The following MACROD2 variants were observed in gnomAD, a reference collection of about 807,000 sequenced individuals.
MACROD2 encodes the protein mono-ADP ribosylhydrolase 2.
A neutral mutation model predicts 70.4 loss-of-function variants in MACROD2; 36 were observed. That is an observed-to-expected ratio of 0.51 (90% confidence interval 0.39 to 0.68). MACROD2 has a LOEUF of 0.68. MACROD2 is among the 30% of genes least tolerant of loss of function. The pLI, the probability that MACROD2 is intolerant of heterozygous loss-of-function variation, is 0.00. For synonymous variants in MACROD2, 172 were observed against 178.8 expected (o/e 0.96, Z 0.30); for missense variants, 496 against 538.4 (o/e 0.92, Z 0.78).
intron 4 of MACROD2, among the ~76,000 whole-genome samples, chr20:14,519,616 GT>G (rs2085141853): frequency 6.6e-6 from 1 of 152,154 alleles, no homozygotes; most frequent in African/African-American, 2.4e-5. Flanking sequence ...TACTGCTTGT[GT>G]TTTTGTAAAT....
chr20:15,249,448 T>A (rs2077134983), intron 6 of MACROD2, among the ~76,000 whole-genome samples: 1 of 152,146 alleles, frequency 6.6e-6, no homozygotes, highest in African/African-American at 2.4e-5. Flanking sequence ...CACACACAAC[T>A]GACCATAGCA....
chr20:14,066,134 AT>A (rs1188078567), intron 2 of MACROD2, among the ~76,000 whole-genome samples: 1 of 152,096 alleles, frequency 6.6e-6, no homozygotes, highest in African/African-American at 2.4e-5. Context: ...TCTTTTGAAA[AT>A]TTTGATTTTC....
intron 4 of MACROD2, among the ~76,000 whole-genome samples, chr20:14,658,073 T>A (rs982415289): frequency 1.3e-5 from 2 of 152,186 alleles, no homozygotes; most frequent in Non-Finnish European, 2.9e-5. Context: ...TAAAGTAAAT[T>A]ATCTATTTTG....
chr20:14,029,655 T>C (rs1260203760), intron 2 of MACROD2, among the ~76,000 whole-genome samples: 1 of 152,212 alleles, frequency 6.6e-6, no homozygotes, highest in African/African-American at 2.4e-5. Flanking sequence ...TTTGCTGTCA[T>C]TGAAAGTATT....
chr20:15,971,002 C>T (rs1007127073), intron 13 of MACROD2, among the ~76,000 whole-genome samples: 1 of 152,008 alleles, frequency 6.6e-6, no homozygotes, highest in Admixed American at 6.6e-5. Context: ...GAATGAAGCT[C>T]AAAAATATTT....
chr20:15,832,193 A>C (rs1297047224), intron 8 of MACROD2, among the ~76,000 whole-genome samples: 1 of 152,164 alleles, frequency 6.6e-6, no homozygotes, highest in Non-Finnish European at 1.5e-5. Flanking sequence ...GTCCTCAGTG[A>C]ATTTTTATGT....
At chr20:14,255,409 T>C (rs1326096227) in intron 3 of MACROD2, among the ~76,000 whole-genome samples, 1 of 151,854 alleles carries the variant, frequency 6.6e-6, no homozygotes, top group Non-Finnish European at 1.5e-5. Flanking sequence ...CTGGAAACCA[T>C]CATTCTCAGC....
At chr20:14,887,632 T>A (rs2073696309) in intron 5 of MACROD2, among the ~76,000 whole-genome samples, 1 of 151,980 alleles carries the variant, frequency 6.6e-6, no homozygotes, top group Non-Finnish European at 1.5e-5. Context: ...AAGCAATCCA[T>A]CCACCTCAGC....
chr20:15,748,566 AC>A (rs901795196), intron 8 of MACROD2, among the ~76,000 whole-genome samples: 3 of 152,078 alleles, frequency 2.0e-5, no homozygotes, highest in African/African-American at 7.2e-5. Flanking sequence ...TAAGACTCCC[AC>A]CTTGGGTAGG....
chr20:16,014,142 C>A (rs2066899838), intron 15 of MACROD2, among the ~76,000 whole-genome samples: 1 of 152,204 alleles, frequency 6.6e-6, no homozygotes, highest in Non-Finnish European at 1.5e-5. Context: ...TTTTTCCTAT[C>A]ACCTCTATTC....
At chr20:14,545,075 G>A (rs996268892) in intron 4 of MACROD2, among the ~76,000 whole-genome samples, 7 of 152,130 alleles carry the variant, frequency 4.6e-5, no homozygotes, top group African/African-American at 1.7e-4. Flanking sequence ...ATGAAGATGG[G>A]AACACTATAT....
At position 15,098,283 on chromosome 20, in the gene MACROD2, T is replaced by C. The variant is rs183102772; in HGVS notation, c.419-131657T>C. ...ATAGCAGGTCTCACAGATTATGCAG[T>C]GAGTCCTGAGGGAAGCCATGAAAGG... is the stretch of plus-strand genomic sequence containing the variant. On this transcript the variant is annotated intron_variant, in intron 5 of 17. Transcript: ENST00000684519. 2.0e-4 allele frequency among the ~76,000 whole-genome samples: 31 copies of C among 152,292 alleles called. No homozygotes were observed. In the East Asian group the frequency reaches 5.4e-3, roughly 27 times the overall value.
intron 5 of MACROD2, among the ~76,000 whole-genome samples, chr20:14,918,816 T>C (rs540368285): frequency 6.6e-6 from 1 of 152,298 alleles, no homozygotes; most frequent in South Asian, 2.1e-4. Flanking sequence ...TTAATTGAAC[T>C]CACAACATAT....
chr20:14,615,335 G>A (rs1377591648), intron 4 of MACROD2, among the ~76,000 whole-genome samples: 2 of 152,050 alleles, frequency 1.3e-5, no homozygotes, highest in Admixed American at 6.6e-5. Flanking sequence ...TCCTAAAGGA[G>A]GATTCGAGTG....
intron 15 of MACROD2, among the ~76,000 whole-genome samples, chr20:16,036,509 C>A (rs1455876208): frequency 6.6e-6 from 1 of 151,952 alleles, no homozygotes; most frequent in African/African-American, 2.4e-5. Flanking sequence ...TTTTCTATTT[C>A]TGCATCTTTT....
intron 8 of MACROD2, among the ~76,000 whole-genome samples, chr20:15,737,783 G>A (rs1242490081): frequency 2.6e-5 from 4 of 152,190 alleles, no homozygotes; most frequent in Non-Finnish European, 4.4e-5. Flanking sequence ...GTTAGGAAGA[G>A]AGCAAAGGGG....
At chr20:14,248,961 A>G (rs1341250563) in intron 3 of MACROD2, among the ~76,000 whole-genome samples, 2 of 152,136 alleles carry the variant, frequency 1.3e-5, no homozygotes, top group Non-Finnish European at 2.9e-5. Context: ...TGTCATTTAA[A>G]TAGCACTGAT....
chr20:15,194,554 T>G (rs557594212), intron 5 of MACROD2, among the ~76,000 whole-genome samples: 2 of 152,164 alleles, frequency 1.3e-5, no homozygotes, highest in African/African-American at 4.8e-5. Context: ...TGTTTTTTAA[T>G]CATTCCATAA....
intron 5 of MACROD2, among the ~76,000 whole-genome samples, chr20:14,994,403 C>T (rs2074932091): frequency 6.6e-6 from 1 of 151,704 alleles, no homozygotes; most frequent in Non-Finnish European, 1.5e-5. Context: ...GATCTCTCTT[C>T]CCACCACCTG....
Sources: allele counts gnomAD v4.1 joint callset (sites outside exome capture counted in the v4.1 genomes callset), GRCh38; gene constraint gnomAD v4.1.1; transcripts MANE v1.5; gene names NCBI Gene and HGNC (gene_info 2026-07-23, HGNC 2026-07-21).